Variants in YAP1 observed in about 807,000 individuals in gnomAD.
The protein encoded by YAP1 is Yes1 associated transcriptional regulator, also known as transcriptional coactivator YAP1.
A neutral mutation model predicts 56.9 loss-of-function variants in YAP1; 5 were observed. The ratio of observed to expected loss-of-function variants is 0.09; its 90% confidence interval spans 0.05 to 0.18. The LOEUF (loss-of-function observed/expected upper bound fraction) is 0.18. Among genes scored for constraint, YAP1 ranks in the 10% least tolerant of loss-of-function variants. The pLI is 1.00. For missense variants in YAP1, 539 were observed against 651.8 expected, an observed-to-expected ratio of 0.83 and a Z score of 1.88; for synonymous variants, 265 against 248.1, an observed-to-expected ratio of 1.07 and a Z score of -0.64.
At chr11:102,159,943 T>C (rs111433728) in intron 2 of YAP1, among the ~76,000 whole-genome samples, 45 of 151,912 alleles carry the variant, frequency 3.0e-4, no homozygotes, top group African/African-American at 1.0e-3. Flanking sequence ...CGTCAAGAAA[T>C]GTATCAGACA....
At chr11:102,144,282 A>G (rs2135308000) in intron 2 of YAP1, among the ~76,000 whole-genome samples, 1 of 152,342 alleles carries the variant, frequency 6.6e-6, no homozygotes, top group East Asian at 1.9e-4. Context: ...TTCAGGTTAT[A>G]TAGTTCTTGT....
intron 6 of YAP1, among the ~76,000 whole-genome samples, chr11:102,220,568 A>T (rs958688659): frequency 6.6e-6 from 1 of 152,154 alleles, no homozygotes; most frequent in African/African-American, 2.4e-5. Flanking sequence ...TTGAATGATC[A>T]GTCATGAATT....
intron 6 of YAP1, among the ~76,000 whole-genome samples, chr11:102,217,781 C>T (rs1356832250): frequency 6.6e-6 from 1 of 151,992 alleles, no homozygotes; most frequent in Non-Finnish European, 1.5e-5. Flanking sequence ...CCTCTGCCTC[C>T]CGGGTTCAAG....
intron 2 of YAP1, among the ~76,000 whole-genome samples, chr11:102,153,170 TG>T (rs1945760670): frequency 2.6e-5 from 4 of 152,210 alleles, no homozygotes; most frequent in Admixed American, 1.3e-4. Context: ...TAGACTGAGG[TG>T]TTCCAATTCC....
intron 8 of YAP1, among the ~76,000 whole-genome samples, chr11:102,227,841 G>A (rs1950267835): frequency 6.6e-6 from 1 of 152,018 alleles, no homozygotes; most frequent in Non-Finnish European, 1.5e-5. Flanking sequence ...GGCCAAAGTG[G>A]GTGTATTGTT....
chr11:102,176,776 A>AAAG (rs1947284993), intron 3 of YAP1, among the ~76,000 whole-genome samples: 1 of 137,424 alleles, frequency 7.3e-6, no homozygotes, highest in African/African-American at 2.7e-5. Context: ...AAAAAAAAAA[A>AAAG]GAGTAGAATT....
intron 5 of YAP1, among the ~76,000 whole-genome samples, chr11:102,209,128 A>G (rs1193926242): frequency 1.3e-5 from 2 of 152,186 alleles, no homozygotes; most frequent in Non-Finnish European, 2.9e-5. Context: ...AAGTAATCAC[A>G]ATAAATTCAG....
At position 102,177,690 on chromosome 11, in the gene YAP1, A is replaced by G. The variant is rs1282669194; in HGVS notation, c.689-8328A>G. ...GACTCGGTCTCAAAAAAAAAAAAAA[A>G]AAAAAGTTTATGTGAAAGTTTTGAG... On this transcript the variant is annotated intron_variant, in intron 3 of 8. Transcript: ENST00000282441. Among the ~76,000 whole-genome samples, 3 of 151,902 alleles carry G rather than the reference A, an allele frequency of 2.0e-5. No homozygotes were observed. The East Asian group carries it at 5.8e-4, about 29-fold the overall frequency.
chr11:102,170,883 C>T (rs1315414139), intron 3 of YAP1, among the ~76,000 whole-genome samples: 3 of 150,754 alleles, frequency 2.0e-5, no homozygotes, highest in East Asian at 2.0e-4. Context: ...ACAGGAGAAT[C>T]GTTTGAACTC....
chr11:102,183,753 A>G (rs1402140222), intron 3 of YAP1, among the ~76,000 whole-genome samples: 2 of 139,934 alleles, frequency 1.4e-5, no homozygotes, highest in African/African-American at 5.4e-5. Flanking sequence ...AACCACATAT[A>G]TGAAACCCAT....
At chr11:102,111,308 A>AGGG in intron 1 of YAP1, 139 bp downstream of exon 1, 2 of 889,714 alleles carry the variant, frequency 2.2e-6, no homozygotes, top group Non-Finnish European at 3.2e-6. Flanking sequence ...CCCGAGGCGA[A>AGGG]GTGGAACTGG....
chr11:102,162,311 G>A (rs977999872), intron 2 of YAP1, 145 bp from the exon 3 acceptor site: 19 of 613,236 alleles, frequency 3.1e-5, no homozygotes, highest in African/African-American at 3.1e-4. Flanking sequence ...CTGTTGCAGA[G>A]GGAGGCTGGT....
At chr11:102,214,961 C>T (rs1412278498) in intron 6 of YAP1, among the ~76,000 whole-genome samples, 1 of 152,122 alleles carries the variant, frequency 6.6e-6, no homozygotes, top group African/African-American at 2.4e-5. Context: ...TCATCTAGTT[C>T]TCATAACTGT....
chr11:102,179,749 G>C (rs1254634441), intron 3 of YAP1, among the ~76,000 whole-genome samples: 1 of 151,648 alleles, frequency 6.6e-6, no homozygotes, highest in South Asian at 2.1e-4. Flanking sequence ...ACATTGTACT[G>C]TCTTCTATCT....
intron 2 of YAP1, among the ~76,000 whole-genome samples, chr11:102,121,016 A>G (rs1385064089): frequency 6.6e-6 from 1 of 152,160 alleles, no homozygotes; most frequent in African/African-American, 2.4e-5. Flanking sequence ...TATATTTATA[A>G]AACAGTCCTC....
intron 6 of YAP1, among the ~76,000 whole-genome samples, chr11:102,216,143 A>C (rs1347069369): frequency 6.6e-6 from 1 of 152,238 alleles, no homozygotes; most frequent in Non-Finnish European, 1.5e-5. Context: ...CAAATGAAAG[A>C]GTTTTCTCCT....
intron 2 of YAP1, among the ~76,000 whole-genome samples, chr11:102,127,220 G>C (rs1944083712): frequency 6.6e-6 from 1 of 152,200 alleles, no homozygotes; most frequent in African/African-American, 2.4e-5. Context: ...TAATCCCCAA[G>C]ACCAAGGGGA....
At chr11:102,167,557 AC>A (rs1165520642) in intron 3 of YAP1, among the ~76,000 whole-genome samples, 4 of 152,114 alleles carry the variant, frequency 2.6e-5, no homozygotes, top group Non-Finnish European at 5.9e-5. Flanking sequence ...ACATGGTGAA[AC>A]CCCGTCTCCA....
At chr11:102,187,006 A>G (rs1947999403) in intron 4 of YAP1, among the ~76,000 whole-genome samples, 1 of 152,156 alleles carries the variant, frequency 6.6e-6, no homozygotes, top group Non-Finnish European at 1.5e-5. Context: ...AATAGGTCAG[A>G]CTGAGGGGAC....
Sources: gnomAD v4.1 joint callset for allele counts (sites outside exome capture counted in the v4.1 genomes callset) on GRCh38, gnomAD v4.1.1 for gene constraint, MANE v1.5 for transcripts, NCBI Gene and HGNC (gene_info 2026-07-23, HGNC 2026-07-21) for gene names.